Variants in TECPR2 observed in about 807,000 individuals in gnomAD.
The protein encoded by TECPR2 is tectonin beta-propeller repeat containing 2.
A neutral mutation model predicts 138.1 loss-of-function variants in TECPR2; 65 were observed. That is an observed-to-expected ratio of 0.47 (90% CI 0.39 to 0.58). The LOEUF (loss-of-function observed/expected upper bound fraction) is 0.58. TECPR2 is among the 20% of genes least tolerant of loss of function. The pLI is 0.00. For missense variants in TECPR2, 1,553 were observed against 1,824.5 expected (o/e 0.85, Z 2.71); for synonymous variants, 746 against 749.8 (o/e 0.99, Z 0.08).
chr14:102,398,514 T>G (rs1423723474), intron 2 of TECPR2, among the ~76,000 whole-genome samples: 19 of 152,026 alleles, frequency 1.2e-4, no homozygotes, highest in Non-Finnish European at 1.8e-4. Flanking sequence ...TAAGATGAAC[T>G]CAAGGACACC....
At chr14:102,398,002 G>A (rs893858079) in intron 2 of TECPR2, among the ~76,000 whole-genome samples, 1 of 147,610 alleles carries the variant, frequency 6.8e-6, no homozygotes, top group Admixed American at 6.9e-5. Flanking sequence ...GTACCCGGGA[G>A]ATGGAGGTTG....
chr14:102,379,211 A>G (rs898131364), intron 2 of TECPR2, among the ~76,000 whole-genome samples: 1 of 152,088 alleles, frequency 6.6e-6, no homozygotes, highest in Non-Finnish European at 1.5e-5. Flanking sequence ...AAATCCGTGC[A>G]CAGAGGCGTC....
rs1228109580 is a variant in TECPR2 at position 102,498,316 on chromosome 14, C to T, written c.*59C>T. The T allele has an allele frequency of 4.5e-6, 7 of 1,544,428 alleles. No homozygotes were observed. The highest frequency in any genetic ancestry group is 2.3e-5 in the East Asian group (1 of 43,366). ...GCGTCTGTGGCGGGCACAGGGGCTT[C>T]AGAGTGACTCCCTGGTGGACGCGCT... On this transcript the variant is annotated 3_prime_UTR_variant, in exon 20 of 20. Coordinates refer to ENST00000359520, the MANE Select transcript of TECPR2 (RefSeq NM_014844.5).
chr14:102,425,030 T>C lies in TECPR2; in HGVS notation c.690T>C (p.Asp230=). ...TACCAGGACTCTGTAAGCAAAGTGA[T>C]CTAACCTTGTATGCGTCACGGCCCG... is the stretch of plus-strand genomic sequence containing the variant. ...CFIPGLCKQS[D]LTLYASRPGL... The change falls in exon 6 of 20, where the codon GAT becomes GAC. Residue 230 remains aspartate (D), a synonymous_variant. Coordinates refer to ENST00000359520, the MANE Select transcript of TECPR2 (RefSeq NM_014844.5). 6.2e-7 allele frequency: 1 copy of C among 1,614,216 alleles called. No homozygotes were observed. The highest frequency in any genetic ancestry group is 8.5e-7 in the Non-Finnish European group (1 of 1,180,034).
At chr14:102,468,013 T>TC (rs397813915) in intron 17 of TECPR2, among the ~76,000 whole-genome samples, 1 of 151,462 alleles carries the variant, frequency 6.6e-6, no homozygotes, top group Non-Finnish European at 1.5e-5. Flanking sequence ...TTTTTTTTTT[T>TC]CCATATTTTT....
chr14:102,406,320 G>A (rs142608447), intron 2 of TECPR2, among the ~76,000 whole-genome samples: 4,228 of 150,692 alleles, frequency 0.028, 77 homozygotes, highest in Middle Eastern at 0.093. Flanking sequence ...AGGCCAAGGC[G>A]GGCAGATCAC....
chr14:102,382,898 A>G (rs560940984), intron 2 of TECPR2, among the ~76,000 whole-genome samples: 1 of 152,144 alleles, frequency 6.6e-6, no homozygotes, highest in Admixed American at 6.5e-5. Context: ...CTGGGATTAC[A>G]GGCGCCTGCC....
At chr14:102,450,979 A>G (rs923495642) in intron 15 of TECPR2, among the ~76,000 whole-genome samples, 7 of 152,204 alleles carry the variant, frequency 4.6e-5, no homozygotes, top group Admixed American at 4.6e-4. Flanking sequence ...TTCTTTGGGC[A>G]CCTTCCCATC....
rs556978069 is a variant in TECPR2 at position 102,430,636 on chromosome 14, T to C, written c.1085-1160T>C. On this transcript the variant is annotated intron_variant, in intron 7 of 19. Coordinates refer to ENST00000359520, the MANE Select transcript of TECPR2 (RefSeq NM_014844.5). ...GTGTTGAGGGTACTGTAGCTGGAAC[T>C]GCTCTGGCCTTGTGCCCTGTGGTGT... Among the ~76,000 whole-genome samples, 563 of 152,334 alleles carry C rather than the reference T, an allele frequency of 3.7e-3. 3 individuals are homozygous for C. The highest frequency in any genetic ancestry group is 6.2e-3 in the Non-Finnish European group (422 of 68,034).
At chr14:102,386,669 AC>A (rs1454469623) in intron 2 of TECPR2, among the ~76,000 whole-genome samples, 2 of 152,252 alleles carry the variant, frequency 1.3e-5, no homozygotes, top group South Asian at 2.1e-4. Flanking sequence ...AAAGGGAATT[AC>A]GTATTTTTTT....
At chr14:102,483,310 T>G (rs117990788) in intron 17 of TECPR2, among the ~76,000 whole-genome samples, 1 of 152,172 alleles carries the variant, frequency 6.6e-6, no homozygotes, top group Non-Finnish European at 1.5e-5. Flanking sequence ...GCAGCCTATG[T>G]GCTGGTGGGT....
At chr14:102,364,685 A>AT (rs906289433) in intron 1 of TECPR2, among the ~76,000 whole-genome samples, 42 of 151,650 alleles carry the variant, frequency 2.8e-4, no homozygotes, top group South Asian at 2.1e-3. Context: ...CATCTACTGG[A>AT]TTTTTTTTTC....
At position 102,415,483 on chromosome 14, in the gene TECPR2, A is replaced by G. The variant is rs1412137178; in HGVS notation, c.638+690A>G. Reference sequence around the variant, plus strand: ...AGCCGTGTGGGAAAAGACAACTGGAACACCTGGGGAACCTGTAATTCATCA... The same window carrying G: ...AGCCGTGTGGGAAAAGACAACTGGAGCACCTGGGGAACCTGTAATTCATCA... On this transcript the variant is annotated intron_variant, in intron 5 of 19. Coordinates refer to ENST00000359520, the MANE Select transcript of TECPR2 (RefSeq NM_014844.5). This position sits in a 1 kb window ranked among gnomAD's most constrained non-coding sequence, Gnocchi z 4.3. 6.6e-6 allele frequency among the ~76,000 whole-genome samples: 1 copy of G among 152,086 alleles called. No homozygotes were observed. Among genetic ancestry groups the G allele is most frequent in the Non-Finnish European group, 1.5e-5 (1 of 68,014 alleles).
intron 7 of TECPR2, among the ~76,000 whole-genome samples, chr14:102,431,354 T>C (rs1010331091): frequency 2.7e-5 from 4 of 147,654 alleles, no homozygotes; most frequent in African/African-American, 9.9e-5. Context: ...TTTTTTTTTT[T>C]TTTTTTGAGA....
intron 17 of TECPR2, among the ~76,000 whole-genome samples, chr14:102,481,234 T>TC (rs1359682900): frequency 6.6e-6 from 1 of 151,490 alleles, no homozygotes; most frequent in Non-Finnish European, 1.5e-5. Flanking sequence ...AAACTCCTGA[T>TC]CTCAGGTGAT....
intron 2 of TECPR2, among the ~76,000 whole-genome samples, chr14:102,401,804 C>CAAAAAAAAA (rs34413626): frequency 4.4e-5 from 3 of 68,936 alleles, no homozygotes; most frequent in African/African-American, 5.6e-5. Context: ...GACTCCGTCT[C>CAAAAAAAAA]AAAAAAAAAA....
intron 11 of TECPR2, among the ~76,000 whole-genome samples, chr14:102,441,920 C>T (rs1353012947): frequency 6.6e-6 from 1 of 152,154 alleles, no homozygotes; most frequent in Non-Finnish European, 1.5e-5. Context: ...CCAGAGGCCA[C>T]GTTGGATTTA....
chr14:102,452,205 T>C (rs1890162021), intron 15 of TECPR2, among the ~76,000 whole-genome samples, 189 bp from the exon 16 acceptor site: 1 of 152,218 alleles, frequency 6.6e-6, no homozygotes, highest in South Asian at 2.1e-4. Context: ...TTAGTCACGG[T>C]GTTTCCCTCT....
At chr14:102,384,138 C>T (rs900331375) in intron 2 of TECPR2, among the ~76,000 whole-genome samples, 18 of 151,812 alleles carry the variant, frequency 1.2e-4, no homozygotes, top group East Asian at 2.0e-4. Flanking sequence ...AGGCTGGTCT[C>T]GAACTCCCGA....
Sources: gnomAD v4.1 joint callset for allele counts (sites outside exome capture counted in the v4.1 genomes callset) on GRCh38, gnomAD v4.1.1 for gene constraint, Gnocchi (gnomAD v3.1) non-coding constraint, MANE v1.5 for transcripts, NCBI Gene and HGNC (gene_info 2026-07-23, HGNC 2026-07-21) for gene names.